KARS1: variants seen among roughly 807,000 people sequenced by gnomAD.
KARS1 encodes the protein lysyl-tRNA synthetase 1.
In KARS1, 50 loss-of-function variants were observed where a neutral mutation model predicts 63.9. That is an observed-to-expected ratio of 0.78 (90% confidence interval 0.62 to 0.99). The LOEUF (loss-of-function observed/expected upper bound fraction) is 0.99, where lower values mean the gene tolerates loss of function less well. KARS1 is among the 50% of genes least tolerant of loss of function. KARS1 has a pLI of 0.00. For synonymous variants in KARS1, 320 were observed against 264.6 expected, an observed-to-expected ratio of 1.21 and a Z score of -2.03; for missense variants, 816 against 754.5, an observed-to-expected ratio of 1.08 and a Z score of -0.95.
In KARS1 at chr16:75,628,657, G is replaced by A. The variant is rs1233942516; in HGVS notation, c.1607C>T (p.Ala536Val). The change falls in exon 13 of 14, where the codon GCC becomes GTC. Residue 536 changes from alanine to valine, a missense_variant. Transcript: ENST00000302445. ...TGTGGGGGGCAGCCCATATTCCAGG[G>A]CAGTACAGAAGTTTTCATCTATGAA... ...AMFIDENFCT[A>V]LEYGLPPTAG... 1 of 1,614,038 alleles carries A rather than the reference G, an allele frequency of 6.2e-7. No homozygotes were observed.
chr16:75,632,826 T>A (rs2082127015), intron 7 of KARS1, among the ~76,000 whole-genome samples: 3 of 152,154 alleles, frequency 2.0e-5, no homozygotes, highest in Non-Finnish European at 4.4e-5. Flanking sequence ...TTGGGGAAAG[T>A]TATAAGGAAT....
In KARS1 at chr16:75,628,322, C is replaced by T. The variant is rs8051771; in HGVS notation, c.1695+247G>A. On this transcript the variant is annotated intron_variant, in intron 13 of 13. Coordinates refer to ENST00000302445, the MANE Select transcript of KARS1 (RefSeq NM_005548.3). Reference sequence around the variant, plus strand: ...TGACTTAATTAGCTGAAATAATGCACGGAGACTTCCCTGGATCCTCAAGAA... The same window carrying T: ...TGACTTAATTAGCTGAAATAATGCATGGAGACTTCCCTGGATCCTCAAGAA... Among the ~76,000 whole-genome samples the T allele has an allele frequency of 0.13, 20,365 of 152,200 alleles. 3,004 individuals are homozygous for T. The highest frequency in any genetic ancestry group is 0.37 in the African/African-American group (15,406 of 41,454).
chr16:75,638,284 G>A (rs2082186431), intron 3 of KARS1, among the ~76,000 whole-genome samples: 1 of 151,720 alleles, frequency 6.6e-6, no homozygotes, highest in African/African-American at 2.4e-5. Context: ...TTGTCATATA[G>A]GTATACATGT....
intron 4 of KARS1, 72 bp from the exon 5 acceptor site, chr16:75,636,170 C>A: frequency 1.1e-6 from 1 of 950,252 alleles, no homozygotes; most frequent in South Asian, 1.4e-5. Context: ...CCTCTGGAAC[C>A]CTCACTCAAC....
At chr16:75,630,539 C>A in intron 10 of KARS1, 31 bp from the exon 11 acceptor site, 13 of 1,399,842 alleles carry the variant, frequency 9.3e-6, no homozygotes, top group Non-Finnish European at 1.3e-5. Flanking sequence ...GAGTCAGTCA[C>A]CATTTCTGAA....
In KARS1 at chr16:75,637,189, G is replaced by A. The variant is rs573159522; in HGVS notation, c.389-642C>T. On this transcript the variant is annotated intron_variant, in intron 3 of 13. Transcript: ENST00000302445. ...AAATAGAAAGCACAGCTAGAGAGGC[G>A]AAGCGAAAAATCCATGGACAAAATT... Among the ~76,000 whole-genome samples, 44 of 152,164 alleles carry A rather than the reference G, an allele frequency of 2.9e-4. No individual in the cohort carries two copies. The South Asian group carries it at 8.3e-3, about 29-fold the overall frequency.
At position 75,640,299 on chromosome 16, in the gene KARS1, C is replaced by T. The variant is rs2151809425; in HGVS notation, c.273G>A (p.Gly91=). 1 of 1,613,790 alleles carries T rather than the reference C, an allele frequency of 6.2e-7. No individual in the cohort carries two copies. Among genetic ancestry groups the T allele is most frequent in the East Asian group, 2.2e-5 (1 of 44,878 alleles). Residue 91 remains glycine (G), a synonymous_variant, in exon 3 of 14, where the codon GGG becomes GGA. Transcript: ENST00000302445. ...GGAACTTGTGTGGGTATGGGTCTTC[C>T]CCATTGACCTTCAGCTGATGAATTG... ...SQAIHQLKVN[G]EDPYPHKFHV...
chr16:75,645,857 A>G (rs2082276322), intron 1 of KARS1, among the ~76,000 whole-genome samples: 1 of 151,828 alleles, frequency 6.6e-6, no homozygotes, highest in Non-Finnish European at 1.5e-5. Context: ...AAAAAAAAAA[A>G]AAAAAAAAAG....
At chr16:75,633,014 G>T (rs963664044) in intron 7 of KARS1, among the ~76,000 whole-genome samples, 3 of 152,262 alleles carry the variant, frequency 2.0e-5, no homozygotes, top group African/African-American at 7.2e-5. Context: ...CAGCCAGATG[G>T]CCCTCTTGGG....
Position 75,627,963 on chromosome 16 carries a change from C to T in KARS1, c.1726G>A (p.Glu576Lys), listed in dbSNP as rs976988415. ...GTTGCTACATTCTCCTTCTTGTCTT[C>T]GGGTTTCATGGCAGGAAACAGAAGT... Reference protein sequence around the residue: ...EVLLFPAMKPEDKKENVATTD... With the variant: ...EVLLFPAMKPKDKKENVATTD... The change falls in exon 14 of 14, where the codon GAA (glutamate) becomes AAA (lysine). Residue 576 changes from glutamate to lysine, a missense_variant. Transcript: ENST00000302445. The T allele has an allele frequency of 6.2e-6, 10 of 1,610,952 alleles. No individual in the cohort carries two copies. The highest frequency in any genetic ancestry group is 1.6e-4 in the Middle Eastern group (1 of 6,072).
At chr16:75,631,624 A>G in intron 8 of KARS1, 35 bp from the exon 9 acceptor site, 1 of 1,613,998 alleles carries the variant, frequency 6.2e-7, no homozygotes, top group Non-Finnish European at 8.5e-7. Flanking sequence ...CGGGAATGAA[A>G]TCCAGGCAGC....
intron 3 of KARS1, chr16:75,639,820 C>T (rs1020538426): frequency 5.8e-5 from 11 of 188,254 alleles, no homozygotes; most frequent in Admixed American, 5.5e-4. Flanking sequence ...AAGAAGATCT[C>T]ACCCAAGATA....
At chr16:75,631,118 A>AC (rs1258208268) in intron 10 of KARS1, 50 bp downstream of exon 10, 1 of 1,440,496 alleles carries the variant, frequency 6.9e-7, no homozygotes, top group East Asian at 2.3e-5. Context: ...GGAAGAGGGA[A>AC]CCATTCAGCA....
chr16:75,641,725 T>C lies in KARS1; in HGVS notation c.63-2A>G, dbSNP rs977234720. On this transcript the variant is annotated splice_acceptor_variant, in intron 1 of 13. Transcript: ENST00000302445. LOFTEE classifies it high-confidence loss of function. Reference sequence around the variant, plus strand: ...GCTTTCAGGCGTCTCTTCAGCTCACTGTTGGAAAGATGAAAGCGTTCAATG... The same window carrying C: ...GCTTTCAGGCGTCTCTTCAGCTCACCGTTGGAAAGATGAAAGCGTTCAATG... 1 of 1,613,720 alleles carries C rather than the reference T, an allele frequency of 6.2e-7. No homozygotes were observed. Among genetic ancestry groups the C allele is most frequent in the South Asian group, 1.1e-5 (1 of 91,088 alleles).
chr16:75,628,466 C>T, intron 13 of KARS1, 103 bp downstream of exon 13: 1 of 1,348,180 alleles, frequency 7.4e-7, no homozygotes, highest in Non-Finnish European at 1.1e-6. Context: ...CTCTTCCCAG[C>T]CCAAAGCCCT....
chr16:75,629,939 G>A (rs2082093643), intron 11 of KARS1, among the ~76,000 whole-genome samples: 1 of 152,228 alleles, frequency 6.6e-6, no homozygotes. Flanking sequence ...AGGAGGGTGA[G>A]AGAGACCAGG....
chr16:75,634,369 T>C (rs2082141692), intron 6 of KARS1, 77 bp from the exon 7 acceptor site: 8 of 1,483,796 alleles, frequency 5.4e-6, no homozygotes, highest in East Asian at 2.3e-5. Context: ...GCATGTAATA[T>C]AGTCTAAGCC....
intron 1 of KARS1, among the ~76,000 whole-genome samples, chr16:75,647,146 G>T (rs1356286716): frequency 6.6e-6 from 1 of 152,216 alleles, no homozygotes; most frequent in African/African-American, 2.4e-5. Context: ...AATGACCTTA[G>T]TGAGGCCCAG....
chr16:75,640,474 A>T (rs897068401), intron 2 of KARS1, 125 bp from the exon 3 acceptor site: 149 of 862,000 alleles, frequency 1.7e-4, no homozygotes, highest in Middle Eastern at 6.8e-4. Context: ...TTTAACCAAG[A>T]CCTCTGCATT....
Sources: gnomAD v4.1 joint callset for allele counts (sites outside exome capture counted in the v4.1 genomes callset) on GRCh38, gnomAD v4.1.1 for gene constraint, MANE v1.5 for transcripts, NCBI Gene and HGNC (gene_info 2026-07-23, HGNC 2026-07-21) for gene names.